CARNS1: variants seen among roughly 807,000 people sequenced by gnomAD.
CARNS1 encodes the protein ATP-grasp domain containing 1.
CARNS1 carries 61 observed loss-of-function variants against 74.0 expected under a neutral mutation model. The ratio of observed to expected loss-of-function variants is 0.82; its 90% confidence interval spans 0.67 to 1.02. CARNS1 has a LOEUF of 1.02. Among genes scored for constraint, CARNS1 ranks in the 50% least tolerant of loss-of-function variants. The pLI, the probability that CARNS1 is intolerant of heterozygous loss-of-function variation, is 0.00. For synonymous variants in CARNS1, 568 were observed against 605.5 expected (o/e 0.94, Z 0.91); for missense variants, 1,278 against 1,308.4 (o/e 0.98, Z 0.36).
chr11:67,422,551 T>C (rs1863735752), intron 9 of CARNS1, among the ~76,000 whole-genome samples: 2 of 152,074 alleles, frequency 1.3e-5, no homozygotes, highest in African/African-American at 4.8e-5. Context: ...GGTCTTGAAC[T>C]CCTGAGCTCA....
intron 4 of CARNS1, 38 bp downstream of exon 4, chr11:67,418,558 GA>G (rs1565134786): frequency 6.6e-7 from 1 of 1,518,716 alleles, no homozygotes; most frequent in Non-Finnish European, 8.8e-7. Context: ...CCCTTCTACA[GA>G]AAGGGCAGCC....
intron 8 of CARNS1, 47 bp downstream of exon 8, chr11:67,420,887 G>T: frequency 7.6e-7 from 1 of 1,323,670 alleles, no homozygotes; most frequent in Non-Finnish European, 9.6e-7. Flanking sequence ...AGGGCCAGGG[G>T]CTGGAGGGCG....
At position 67,420,919 on chromosome 11, in the gene CARNS1, G is replaced by C. The variant is rs1213560908; in HGVS notation, c.1346-20G>C. ...GGCGGTGGCTGCCGTAGCTGAGCTC[G>C]CGCCTCCCGCCCGGCGCAGGCGTGG... On this transcript the variant is annotated intron_variant, in intron 8 of 9. Coordinates refer to ENST00000687366, the MANE Select transcript of CARNS1 (RefSeq NM_001166222.2). 2 of 1,365,640 alleles carry C rather than the reference G, an allele frequency of 1.5e-6. No individual in the cohort carries two copies. The highest frequency in any genetic ancestry group is 1.9e-6 in the Non-Finnish European group (2 of 1,062,952). 84.6% of individuals were successfully genotyped at this position (1,365,640 alleles called of 1,614,324 possible). A position where few individuals can be genotyped will look rare whatever the true frequency, so the allele number is the denominator to read the frequency against.
chr11:67,422,363 A>C (rs899663584), intron 9 of CARNS1, among the ~76,000 whole-genome samples: 1 of 150,166 alleles, frequency 6.7e-6, no homozygotes, highest in African/African-American at 2.5e-5. Context: ...TTTTATTTTT[A>C]GTAGAGACAG....
Position 67,420,782 on chromosome 11 carries a change from GGAGGCCGGCCT to G in CARNS1, c.1291_1301del (p.Ala431CysfsTer131). 1 of 1,238,434 alleles carries G rather than the reference GGAGGCCGGCCT, an allele frequency of 8.1e-7. No homozygotes were observed. Among genetic ancestry groups the G allele is most frequent in the Non-Finnish European group, 1.0e-6 (1 of 993,658 alleles). The allele number at this position is 1,238,434 out of a possible 1,614,324, so 76.7% of individuals were successfully genotyped here. A position where few individuals can be genotyped will look rare whatever the true frequency, so the allele number is the denominator to read the frequency against. On this transcript the variant is annotated frameshift_variant, in exon 8 of 10. Coordinates refer to ENST00000687366, the MANE Select transcript of CARNS1 (RefSeq NM_001166222.2). LOFTEE classifies it high-confidence loss of function. ...CCGCGCTGGCCGCCGTGCTGGCTCT[GGAGGCCGGCCT>G]GAGTGCCGAGCAGCGCGGCGGGCGC...
chr11:67,416,719 T>C (rs987869822), intron 2 of CARNS1: 22 of 986,174 alleles, frequency 2.2e-5, no homozygotes, highest in Non-Finnish European at 2.5e-5. Flanking sequence ...AAGAATTCCA[T>C]TCACACGAAG....
rs752586930 is a variant in CARNS1 at position 67,423,880 on chromosome 11, A to C, written c.2132A>C (p.His711Pro). Residue 711 changes from histidine (H) to proline (P), a missense_variant, in exon 10 of 10, where the codon CAC (histidine) becomes CCC (proline). His to Pro is a moderately conservative substitution (Grantham distance 77). Transcript: ENST00000687366. The surrounding 1 kb of genome is among the most constrained non-coding windows in gnomAD (Gnocchi z 5.1). ...ITRDLQGEAD[H>P]PGIGLGWGNA... ...CGAGACTTGCAGGGCGAGGCCGACC[A>C]CCCAGGCATTGGGCTGGGCTGGGGC... 3.1e-6 allele frequency: 5 copies of C among 1,613,434 alleles called. No individual in the cohort carries two copies. The highest frequency in any genetic ancestry group is 4.2e-6 in the Non-Finnish European group (5 of 1,179,876).
At chr11:67,422,779 T>A (rs576158097) in intron 9 of CARNS1, among the ~76,000 whole-genome samples, 1 of 152,344 alleles carries the variant, frequency 6.6e-6, no homozygotes, top group Non-Finnish European at 1.5e-5. Flanking sequence ...CTCAGTGTTT[T>A]CTCCACTTGG....
At chr11:67,416,021 T>C (rs34596169) in intron 1 of CARNS1, 155 bp from the exon 2 acceptor site, 108,463 of 644,114 alleles carry the variant, frequency 0.17, 21,438 homozygotes, top group African/African-American at 0.71. Context: ...AATCCCTCCC[T>C]ACCTTCGGGG....
In CARNS1 at chr11:67,422,463, G is replaced by A. The variant is rs1031312710; in HGVS notation, c.1627-912G>A. ...CTCCCAAAGAACTGGGATTACAGGC[G>A]TGAGCCACCAGCCCGGCCTGCCTGG... On this transcript the variant is annotated intron_variant, in intron 9 of 9. Transcript: ENST00000687366. 7.2e-5 allele frequency among the ~76,000 whole-genome samples: 11 copies of A among 152,194 alleles called. No individual in the cohort carries two copies. The South Asian group carries it at 1.9e-3, about 26-fold the overall frequency.
chr11:67,419,782 G>A lies in CARNS1; in HGVS notation c.1057G>A (p.Val353Met), dbSNP rs770256056. ...DGPSPGPGLA[V>M]RICAVVCRTQ... is the part of the protein sequence containing the mutation. ...TCCTTCACCCGGCCCCGGCCTGGCCGTGCGAATCTGTGCTGTGGTGTGTCG... is the reference window on the plus strand; with the variant it reads ...TCCTTCACCCGGCCCCGGCCTGGCCATGCGAATCTGTGCTGTGGTGTGTCG... The change falls in exon 7 of 10, where the codon GTG (valine) becomes ATG (methionine). Residue 353 changes from valine (V) to methionine (M), a missense_variant. Val to Met is a conservative substitution (Grantham distance 21). This residue lies in a region of CARNS1 where 1,164 missense variants were observed against 1,156.5 expected (regional missense o/e 1.01). Transcript: ENST00000687366. 37 of 1,603,638 alleles carry A rather than the reference G, an allele frequency of 2.3e-5. No homozygotes were observed. The highest frequency in any genetic ancestry group is 3.0e-5 in the Non-Finnish European group (35 of 1,175,642).
chr11:67,418,627 C>A, intron 4 of CARNS1, 107 bp downstream of exon 4: 13 of 1,430,756 alleles, frequency 9.1e-6, no homozygotes, highest in South Asian at 1.4e-5. Flanking sequence ...TGCCTGCATT[C>A]CACCGGAGCA....
rs941033791 is a variant in CARNS1, at chr11:67,420,824, G to A, written c.1329G>A (p.Ala443=). The stretch of plus-strand genomic sequence containing the variant: ...CCGAGCAGCGCGGCGGGCGCCGGGC[G>A]CACACGGACTTCCTGGGTGAGTGAG... The part of the protein sequence containing the change: ...LSAEQRGGRR[A]HTDFLGVDFA... Residue 443 remains alanine, a synonymous_variant, in exon 8 of 10, where the codon GCG becomes GCA. Transcript: ENST00000687366. The A allele has an allele frequency of 2.5e-6, 3 of 1,222,892 alleles. No individual in the cohort carries two copies. Among genetic ancestry groups the A allele is most frequent in the African/African-American group, 3.2e-5 (2 of 63,294 alleles). The allele number at this position is 1,222,892 out of a possible 1,614,324, so 75.8% of individuals were successfully genotyped here.
At chr11:67,416,286 A>T in intron 2 of CARNS1, 84 bp downstream of exon 2, 2 of 1,535,378 alleles carry the variant, frequency 1.3e-6, no homozygotes, top group Non-Finnish European at 1.7e-6. Context: ...AGCACCTAGG[A>T]CCTAAGCCTG....
rs1272510662 is a variant in CARNS1, at chr11:67,420,593, G to A, written c.1114-16G>A. The stretch of plus-strand genomic sequence containing the variant: ...AGGGAGTGTGTGGGCCTCCCCCTGA[G>A]TCTCCCCCTGCCCAGGTGGTGTGCG... On this transcript the variant is annotated splice_polypyrimidine_tract_variant and intron_variant, in intron 7 of 9. Coordinates refer to ENST00000687366, the MANE Select transcript of CARNS1 (RefSeq NM_001166222.2). The A allele has an allele frequency of 4.9e-6, 6 of 1,233,566 alleles. No homozygotes were observed. Among genetic ancestry groups the A allele is most frequent in the Non-Finnish European group, 4.0e-6 (4 of 988,056 alleles). The allele number at this position is 1,233,566 out of a possible 1,614,324, so 76.4% of individuals were successfully genotyped here.
At position 67,418,891 on chromosome 11, in the gene CARNS1, T is replaced by C; in HGVS notation, c.500T>C (p.Val167Ala). 2 of 1,597,804 alleles carry C rather than the reference T, an allele frequency of 1.3e-6. No homozygotes were observed. Among genetic ancestry groups the C allele is most frequent in the African/African-American group, 1.3e-5 (1 of 74,636 alleles). ...PGGLTFLDDF[V>A]PPRRATYFLA... Reference sequence around the variant, plus strand: ...GGCCTGACATTCCTGGATGACTTTGTCCCCCCGCGCCGTGCCACCTACTTT... The same window carrying C: ...GGCCTGACATTCCTGGATGACTTTGCCCCCCCGCGCCGTGCCACCTACTTT... The change falls in exon 5 of 10, where the codon GTC (valine) becomes GCC (alanine). Residue 167 changes from valine to alanine, a missense_variant. Physicochemically the swap from Val to Ala is moderately conservative, Grantham distance 64. This residue lies in a region of CARNS1 where 1,164 missense variants were observed against 1,156.5 expected (regional missense o/e 1.01). Coordinates refer to ENST00000687366, the MANE Select transcript of CARNS1 (RefSeq NM_001166222.2).
intron 9 of CARNS1, among the ~76,000 whole-genome samples, chr11:67,422,480 C>G (rs915684325): frequency 6.6e-6 from 1 of 152,072 alleles, no homozygotes; most frequent in Non-Finnish European, 1.5e-5. Flanking sequence ...ACCAGCCCGG[C>G]CTGCCTGGCT....
At chr11:67,416,915 A>C in intron 2 of CARNS1, 1 of 987,386 alleles carries the variant, frequency 1.0e-6, no homozygotes, top group Non-Finnish European at 1.2e-6. Flanking sequence ...ATGACAGTGG[A>C]ATCACATTTA....
intron 9 of CARNS1, among the ~76,000 whole-genome samples, chr11:67,421,930 C>T (rs1863716150): frequency 6.6e-6 from 1 of 151,890 alleles, no homozygotes; most frequent in Non-Finnish European, 1.5e-5. Context: ...GCTCTGTCGC[C>T]CAGGCTGGGT....
Sources: gnomAD v4.1 joint callset for allele counts (sites outside exome capture counted in the v4.1 genomes callset) on GRCh38, gnomAD v4.1.1 for gene constraint, gnomAD v4.1.1 regional missense constraint, Gnocchi (gnomAD v3.1) non-coding constraint, MANE v1.5 for transcripts, NCBI Gene and HGNC (gene_info 2026-07-23, HGNC 2026-07-21) for gene names.